The following MDGA2 variants were observed in gnomAD, a reference collection of about 807,000 sequenced individuals.
MDGA2 encodes the protein MAM domain-containing glycosylphosphatidylinositol anchor protein 2.
MDGA2 carries 40 observed loss-of-function variants against 117.8 expected under a neutral mutation model. The observed-to-expected ratio is 0.34, with a 90% CI of 0.26 to 0.44. The LOEUF (loss-of-function observed/expected upper bound fraction) is 0.44, where lower values mean the gene tolerates loss of function less well. Ranked by LOEUF, MDGA2 falls within the 20% of genes least tolerant of loss-of-function variation. The probability of loss-of-function intolerance (pLI) is 1.00; values close to 1 mark genes in which losing one functional copy is unlikely to be tolerated. For synonymous variants in MDGA2, 452 were observed against 439.0 expected (o/e 1.03, Z -0.37); for missense variants, 1,123 against 1,250.6 (o/e 0.90, Z 1.54).
chr14:47,525,213 T>A (rs1894946947), intron 1 of MDGA2, among the ~76,000 whole-genome samples: 1 of 152,220 alleles, frequency 6.6e-6, no homozygotes, highest in Non-Finnish European at 1.5e-5. Flanking sequence ...AAGACTACGG[T>A]AATTGTCTCA....
intron 2 of MDGA2, among the ~76,000 whole-genome samples, chr14:47,275,337 C>T (rs947992733): frequency 1.1e-4 from 17 of 152,118 alleles, no homozygotes; most frequent in Non-Finnish European, 2.1e-4. Flanking sequence ...TTCTAATGTA[C>T]GATGTGGTTC....
intron 3 of MDGA2, among the ~76,000 whole-genome samples, chr14:47,148,495 T>C (rs1307567436): frequency 6.6e-6 from 1 of 152,176 alleles, no homozygotes; most frequent in East Asian, 1.9e-4. Context: ...ATCGCTCTAT[T>C]AAGTTGGCAT....
chr14:47,193,912 C>T (rs55738827), intron 3 of MDGA2, among the ~76,000 whole-genome samples: 2 of 152,190 alleles, frequency 1.3e-5, no homozygotes, highest in Admixed American at 6.6e-5. Context: ...TTACTTTAGT[C>T]GTATGGTATA....
intron 1 of MDGA2, among the ~76,000 whole-genome samples, chr14:47,657,718 G>C (rs1159146327): frequency 1.3e-5 from 2 of 152,086 alleles, no homozygotes; most frequent in Admixed American, 1.3e-4. Context: ...ACTAACCAAA[G>C]GGATCCACTG....
intron 3 of MDGA2, 46 bp from the exon 4 acceptor site, chr14:47,144,320 G>A: frequency 6.9e-7 from 1 of 1,442,794 alleles, no homozygotes; most frequent in Non-Finnish European, 9.4e-7. Flanking sequence ...TGAGATAGAT[G>A]ACTTTTAAAG....
chr14:47,236,387 C>T (rs1445722685), intron 2 of MDGA2, among the ~76,000 whole-genome samples: 1 of 151,558 alleles, frequency 6.6e-6, no homozygotes, highest in Non-Finnish European at 1.5e-5. Flanking sequence ...ACACTTAAGC[C>T]TAGTAGGAAA....
chr14:47,414,517 G>A (rs4900758), intron 1 of MDGA2, among the ~76,000 whole-genome samples: 46,395 of 151,918 alleles, frequency 0.31, 7,905 homozygotes, highest in East Asian at 0.59. Flanking sequence ...AATTTCTTGC[G>A]ATATAGATAG....
At chr14:47,219,637 A>C (rs1297953511) in intron 2 of MDGA2, among the ~76,000 whole-genome samples, 1 of 152,036 alleles carries the variant, frequency 6.6e-6, no homozygotes, top group Non-Finnish European at 1.5e-5. Context: ...AAATTAGCCT[A>C]CTGTATGTAT....
intron 1 of MDGA2, among the ~76,000 whole-genome samples, chr14:47,505,835 A>G (rs571276519): frequency 4.6e-5 from 7 of 152,324 alleles, no homozygotes; most frequent in African/African-American, 1.4e-4. Flanking sequence ...AGTCTTGTCT[A>G]TTGATTTTTT....
At chr14:47,632,610 A>T (rs1285625266) in intron 1 of MDGA2, among the ~76,000 whole-genome samples, 6 of 152,220 alleles carry the variant, frequency 3.9e-5, no homozygotes, top group Non-Finnish European at 8.8e-5. Flanking sequence ...TCATGAACTG[A>T]TCATTATTTT....
chr14:47,591,860 T>A lies in MDGA2; in HGVS notation c.280+82657A>T, dbSNP rs559405119. Among the ~76,000 whole-genome samples, 29 of 152,244 alleles carry A rather than the reference T, an allele frequency of 1.9e-4. No individual in the cohort carries two copies. The South Asian group carries it at 5.4e-3, about 28-fold the overall frequency. ...GGGCAAAAGCTAAAAGCATTCCTTTTGAAAACCGGCACAAGACAAAGATGC... is the reference window on the plus strand; with the variant it reads ...GGGCAAAAGCTAAAAGCATTCCTTTAGAAAACCGGCACAAGACAAAGATGC... On this transcript the variant is annotated intron_variant, in intron 1 of 16. Coordinates refer to ENST00000399232, the MANE Select transcript of MDGA2 (RefSeq NM_001113498.3).
chr14:47,583,291 G>A (rs1360391352), intron 1 of MDGA2, among the ~76,000 whole-genome samples: 1 of 151,872 alleles, frequency 6.6e-6, no homozygotes, highest in African/African-American at 2.4e-5. Context: ...TCTATCAGGA[G>A]ATGAGATTAA....
chr14:47,529,709 G>T (rs1468496826), intron 1 of MDGA2, among the ~76,000 whole-genome samples: 1 of 152,112 alleles, frequency 6.6e-6, no homozygotes, highest in South Asian at 2.1e-4. Context: ...TACTGAGAAT[G>T]GTCAGCTAGA....
At chr14:47,632,642 T>C (rs1296881165) in intron 1 of MDGA2, among the ~76,000 whole-genome samples, 5 of 152,224 alleles carry the variant, frequency 3.3e-5, no homozygotes, top group African/African-American at 1.2e-4. Context: ...TTATAGCATG[T>C]GATTTTGTCT....
At chr14:47,620,969 AT>A (rs1477761553) in intron 1 of MDGA2, among the ~76,000 whole-genome samples, 1 of 152,192 alleles carries the variant, frequency 6.6e-6, no homozygotes, top group Non-Finnish European at 1.5e-5. Context: ...AATGCTGAAA[AT>A]TAGATCCAGC....
At chr14:47,128,007 A>G (rs1278587924) in intron 5 of MDGA2, among the ~76,000 whole-genome samples, 1 of 152,142 alleles carries the variant, frequency 6.6e-6, no homozygotes, top group African/African-American at 2.4e-5. Context: ...CCTATTTAGA[A>G]TAACTCTTCA....
chr14:47,043,354 T>A (rs555849586), intron 7 of MDGA2, among the ~76,000 whole-genome samples: 1 of 152,102 alleles, frequency 6.6e-6, no homozygotes, highest in Non-Finnish European at 1.5e-5. Flanking sequence ...TCTTAGTATA[T>A]AAAAATATGA....
chr14:46,897,869 TTATC>T (rs1415153302), intron 10 of MDGA2, among the ~76,000 whole-genome samples: 2 of 151,864 alleles, frequency 1.3e-5, no homozygotes, highest in East Asian at 1.9e-4. Context: ...GTGACAATCT[TTATC>T]TATTTTTGGA....
At chr14:46,974,672 C>T (rs1320269918) in intron 8 of MDGA2, among the ~76,000 whole-genome samples, 1 of 151,962 alleles carries the variant, frequency 6.6e-6, no homozygotes, top group Non-Finnish European at 1.5e-5. Context: ...TGGATATTCA[C>T]ATGCAAAAGA....
Sources: gnomAD v4.1 joint callset for allele counts (sites outside exome capture counted in the v4.1 genomes callset) on GRCh38, gnomAD v4.1.1 for gene constraint, MANE v1.5 for transcripts, NCBI Gene and HGNC (gene_info 2026-07-23, HGNC 2026-07-21) for gene names.